WWP2: variants seen among roughly 807,000 people sequenced by gnomAD.
The protein encoded by WWP2 is WW domain containing E3 ubiquitin protein ligase 2.
WWP2 carries 57 observed loss-of-function variants against 121.0 expected under a neutral mutation model. That is an observed-to-expected ratio of 0.47 (90% CI 0.38 to 0.59). The LOEUF is 0.59. Among genes scored for constraint, WWP2 ranks in the 20% least tolerant of loss-of-function variants. WWP2 has a pLI of 0.00. For synonymous variants in WWP2, 449 were observed against 441.3 expected (o/e 1.02, Z -0.22); for missense variants, 962 against 1,158.9 (o/e 0.83, Z 2.47).
chr16:69,874,307 G>T (rs936463203), intron 7 of WWP2, among the ~76,000 whole-genome samples: 6 of 152,172 alleles, frequency 3.9e-5, no homozygotes, highest in Admixed American at 6.5e-5. Context: ...AGGACCAGAG[G>T]GGGGTCGAGG....
intron 7 of WWP2, among the ~76,000 whole-genome samples, chr16:69,886,654 G>T (rs1009965597): frequency 1.3e-5 from 2 of 152,142 alleles, no homozygotes; most frequent in Non-Finnish European, 2.9e-5. Context: ...TAGCTACTTG[G>T]GAGACTGAGG....
At chr16:69,849,244 A>G (rs2057152806) in intron 6 of WWP2, among the ~76,000 whole-genome samples, 1 of 152,160 alleles carries the variant, frequency 6.6e-6, no homozygotes, top group African/African-American at 2.4e-5. Context: ...TGGAGGGTGG[A>G]TAGGAGCTGA....
intron 1 of WWP2, among the ~76,000 whole-genome samples, chr16:69,763,959 G>T (rs2038673048): frequency 6.6e-6 from 1 of 152,158 alleles, no homozygotes; most frequent in Non-Finnish European, 1.5e-5. Flanking sequence ...GCTTGGATTG[G>T]CTTCTCAGTC....
chr16:69,906,809 A>T (rs933180879), intron 8 of WWP2, among the ~76,000 whole-genome samples: 4 of 152,196 alleles, frequency 2.6e-5, no homozygotes, highest in African/African-American at 9.7e-5. Context: ...GAACCCAAGA[A>T]TCAGAGGCTG....
chr16:69,831,386 A>G (rs2056790936), intron 4 of WWP2, among the ~76,000 whole-genome samples: 1 of 152,218 alleles, frequency 6.6e-6, no homozygotes, highest in South Asian at 2.1e-4. Flanking sequence ...TCTCCAGGCA[A>G]GAGTTCTGGA....
intron 8 of WWP2, among the ~76,000 whole-genome samples, chr16:69,888,494 CAA>C (rs1597113436): frequency 6.6e-6 from 1 of 152,280 alleles, no homozygotes; most frequent in East Asian, 1.9e-4. Flanking sequence ...CAGCTTGACT[CAA>C]AGAGTGTGGC....
intron 4 of WWP2, among the ~76,000 whole-genome samples, chr16:69,808,130 C>G (rs1763122870): frequency 6.6e-6 from 1 of 152,188 alleles, no homozygotes; most frequent in African/African-American, 2.4e-5. Context: ...ACTATTCTGA[C>G]TTCTATCACT....
intron 7 of WWP2, among the ~76,000 whole-genome samples, chr16:69,882,398 T>G (rs1414772598): frequency 6.6e-6 from 1 of 152,264 alleles, no homozygotes; most frequent in Non-Finnish European, 1.5e-5. Flanking sequence ...TCAAATATCT[T>G]TCTTTTGCTA....
At chr16:69,876,212 C>T (rs2057732635) in intron 7 of WWP2, among the ~76,000 whole-genome samples, 1 of 152,118 alleles carries the variant, frequency 6.6e-6, no homozygotes, top group Non-Finnish European at 1.5e-5. Context: ...CCTGCCTTGG[C>T]CTCCCAAAGT....
intron 4 of WWP2, among the ~76,000 whole-genome samples, chr16:69,836,292 CTT>C (rs66633306): frequency 8.2e-4 from 120 of 145,572 alleles, no homozygotes; most frequent in Admixed American, 7.5e-4. Context: ...ATCCTGCCTC[CTT>C]TTTTTTTTTT....
intron 8 of WWP2, among the ~76,000 whole-genome samples, chr16:69,890,032 G>A (rs1337661559): frequency 6.6e-6 from 1 of 151,866 alleles, no homozygotes; most frequent in East Asian, 1.9e-4. Context: ...TTGGCTCACT[G>A]CAGCCTTGAC....
At chr16:69,914,101 GAA>G (rs980406825) in intron 9 of WWP2, among the ~76,000 whole-genome samples, 2 of 86,442 alleles carry the variant, frequency 2.3e-5, no homozygotes, top group Non-Finnish European at 4.6e-5. Flanking sequence ...AAAAAAAAAA[GAA>G]AGTGATAAAT....
In WWP2 at chr16:69,940,606, A is replaced by G. The variant is rs2058867664; in HGVS notation, c.*666A>G. ...GGACAAAAACAGCAAACTCCCTCAG[A>G]CTTTGTCCATGTATAAACTTGAAGT... is the stretch of plus-strand genomic sequence containing the variant. On this transcript the variant is annotated 3_prime_UTR_variant, in exon 24 of 24. Coordinates refer to ENST00000359154, the MANE Select transcript of WWP2 (RefSeq NM_001270454.2). 6.6e-6 allele frequency: 1 copy of G among 152,290 alleles called. No homozygotes were observed. Among genetic ancestry groups the G allele is most frequent in the Non-Finnish European group, 1.5e-5 (1 of 68,124 alleles). The allele number at this position is 152,290 out of a possible 1,614,324, so 9.4% of individuals were successfully genotyped here.
intron 1 of WWP2, among the ~76,000 whole-genome samples, chr16:69,779,465 T>G (rs560441277): frequency 2.0e-4 from 30 of 152,358 alleles, no homozygotes; most frequent in Admixed American, 3.9e-4. Context: ...CTACCCTGTT[T>G]CTCCTGCCTT....
chr16:69,936,558 C>T, intron 19 of WWP2, 106 bp downstream of exon 19: 1 of 1,501,618 alleles, frequency 6.7e-7, no homozygotes. Context: ...ACTGTGGATG[C>T]CATTTGCATT....
At chr16:69,780,817 A>G (rs2055647998) in intron 1 of WWP2, among the ~76,000 whole-genome samples, 1 of 152,198 alleles carries the variant, frequency 6.6e-6, no homozygotes, top group African/African-American at 2.4e-5. Flanking sequence ...TGGCCTGGGC[A>G]AGATGGTGAG....
chr16:69,879,629 A>G (rs2057790001), intron 7 of WWP2, among the ~76,000 whole-genome samples: 1 of 152,172 alleles, frequency 6.6e-6, no homozygotes, highest in South Asian at 2.1e-4. Flanking sequence ...CTGTAGATGG[A>G]CATTTGGGTT....
At chr16:69,884,887 A>T (rs934493406) in intron 7 of WWP2, among the ~76,000 whole-genome samples, 2 of 152,204 alleles carry the variant, frequency 1.3e-5, no homozygotes, top group African/African-American at 4.8e-5. Context: ...TAGCTAATAA[A>T]TGAAGAAGGT....
At chr16:69,802,188 A>G (rs1000248922) in intron 4 of WWP2, among the ~76,000 whole-genome samples, 9 of 152,252 alleles carry the variant, frequency 5.9e-5, no homozygotes, top group African/African-American at 2.2e-4. Flanking sequence ...TCGGCCTCCC[A>G]AAGTGCTGGA....
Sources: allele counts gnomAD v4.1 joint callset (sites outside exome capture counted in the v4.1 genomes callset), GRCh38; gene constraint gnomAD v4.1.1; transcripts MANE v1.5; gene names NCBI Gene and HGNC (gene_info 2026-07-23, HGNC 2026-07-21).